The following ATXN7L1 variants were observed in gnomAD, a reference collection of about 807,000 sequenced individuals.
ATXN7L1 encodes ataxin-7-like protein 1.
ATXN7L1 carries 15 observed loss-of-function variants against 70.8 expected under a neutral mutation model. The observed-to-expected ratio is 0.21, with a 90% CI of 0.14 to 0.33. The LOEUF (loss-of-function observed/expected upper bound fraction) is 0.33, where lower values mean the gene tolerates loss of function less well. Among genes scored for constraint, ATXN7L1 ranks in the 10% least tolerant of loss-of-function variants. The probability of loss-of-function intolerance (pLI) is 1.00; values close to 1 mark genes in which losing one functional copy is unlikely to be tolerated. For missense variants in ATXN7L1, 975 were observed against 1,097.1 expected (o/e 0.89, Z 1.57); for synonymous variants, 440 against 445.1 (o/e 0.99, Z 0.14).
chr7:105,839,231 G>GAA (rs76808872), intron 2 of ATXN7L1, among the ~76,000 whole-genome samples: 4 of 141,042 alleles, frequency 2.8e-5, no homozygotes, highest in African/African-American at 1.0e-4. Flanking sequence ...GCTGCTGCAT[G>GAA]AAAAAAAAAA....
chr7:105,840,921 G>A (rs954034125), intron 2 of ATXN7L1, among the ~76,000 whole-genome samples: 19 of 152,152 alleles, frequency 1.2e-4, no homozygotes, highest in Non-Finnish European at 1.8e-4. Flanking sequence ...AACCCTTATA[G>A]GGACATTTTC....
At chr7:105,664,417 A>G (rs1802196809) in intron 4 of ATXN7L1, among the ~76,000 whole-genome samples, 1 of 150,508 alleles carries the variant, frequency 6.6e-6, no homozygotes, top group Admixed American at 6.7e-5. Flanking sequence ...TACGGTATAT[A>G]CATGTATATA....
At chr7:105,828,002 G>GA (rs898868757) in intron 2 of ATXN7L1, among the ~76,000 whole-genome samples, 10 of 151,218 alleles carry the variant, frequency 6.6e-5, no homozygotes, top group African/African-American at 1.9e-4. Context: ...AAATTTAGGG[G>GA]AAAAAAAACA....
chr7:105,649,349 A>T lies in ATXN7L1; in HGVS notation c.579-6228T>A. On this transcript the variant is annotated intron_variant, in intron 4 of 11. Coordinates refer to ENST00000419735, the MANE Select transcript of ATXN7L1 (RefSeq NM_020725.2). Reference sequence around the variant, plus strand: ...ACCTCTGTCTCGGTCCTGGGAAAGAAACCCAATGCCGAGAACACCCTCCCT... The same window carrying T: ...ACCTCTGTCTCGGTCCTGGGAAAGATACCCAATGCCGAGAACACCCTCCCT... 4.1e-6 allele frequency: 4 copies of T among 986,126 alleles called. No individual in the cohort carries two copies. The Middle Eastern group carries it at 1.2e-3, about 298-fold the overall frequency. 61.1% of individuals were successfully genotyped at this position (986,126 alleles called of 1,614,324 possible).
intron 3 of ATXN7L1, chr7:105,760,912 C>G (rs1288096384): frequency 6.2e-6 from 1 of 161,752 alleles, no homozygotes; most frequent in Non-Finnish European, 1.3e-5. Flanking sequence ...TGAAAGGGAG[C>G]CTGGCACAGG....
chr7:105,771,922 A>C (rs773664614), intron 3 of ATXN7L1, among the ~76,000 whole-genome samples: 17 of 152,178 alleles, frequency 1.1e-4, no homozygotes, highest in Admixed American at 6.5e-5. Flanking sequence ...GGAAGGCAGA[A>C]AAGGAGAACA....
intron 3 of ATXN7L1, among the ~76,000 whole-genome samples, chr7:105,724,516 G>A (rs535275037): frequency 1.1e-4 from 16 of 139,352 alleles, no homozygotes; most frequent in African/African-American, 4.3e-4. Flanking sequence ...AGAGGCTGCA[G>A]TAAGCTGAGA....
At chr7:105,737,941 T>C (rs564018009) in intron 3 of ATXN7L1, among the ~76,000 whole-genome samples, 62 of 152,280 alleles carry the variant, frequency 4.1e-4, no homozygotes, top group Non-Finnish European at 7.8e-4. Flanking sequence ...TGTAATCCTT[T>C]TGGTGACCTG....
In ATXN7L1 at chr7:105,738,002, CACA is replaced by C. The variant is rs147004304; in HGVS notation, c.355+50599_355+50601del. ...ATGTTCACTCAGACAATGAGAGGCC[CACA>C]CCAGCAACATGGAGCAGACACGAAT... is the stretch of plus-strand genomic sequence containing the variant. On this transcript the variant is annotated intron_variant, in intron 3 of 11. Transcript: ENST00000419735. 3.2e-3 allele frequency among the ~76,000 whole-genome samples: 494 copies of C among 152,240 alleles called. 2 individuals are homozygous for C. The highest frequency in any genetic ancestry group is 0.012 in the African/African-American group (482 of 41,522).
chr7:105,773,686 G>A (rs1414312972), intron 3 of ATXN7L1, among the ~76,000 whole-genome samples: 1 of 152,014 alleles, frequency 6.6e-6, no homozygotes. Context: ...AAACCAGATG[G>A]ATAGTTCCTC....
At chr7:105,693,635 A>G (rs1791334117) in intron 3 of ATXN7L1, among the ~76,000 whole-genome samples, 1 of 152,158 alleles carries the variant, frequency 6.6e-6, no homozygotes, top group Non-Finnish European at 1.5e-5. Flanking sequence ...GTTTTGGGGA[A>G]AGTAATGAGT....
chr7:105,799,595 T>C (rs1806512887), intron 2 of ATXN7L1, among the ~76,000 whole-genome samples: 1 of 152,160 alleles, frequency 6.6e-6, no homozygotes, highest in African/African-American at 2.4e-5. Flanking sequence ...GGCAAAGCAA[T>C]TGCGACATTT....
intron 3 of ATXN7L1, among the ~76,000 whole-genome samples, chr7:105,673,488 G>A (rs1166138025): frequency 6.6e-6 from 1 of 152,256 alleles, no homozygotes; most frequent in Non-Finnish European, 1.5e-5. Context: ...TCACTTGACA[G>A]CATGGAGTCT....
At position 105,676,966 on chromosome 7, in the gene ATXN7L1, G is replaced by A. The variant is rs145120748; in HGVS notation, c.356-11678C>T. 7.2e-5 allele frequency among the ~76,000 whole-genome samples: 11 copies of A among 152,274 alleles called. No individual in the cohort carries two copies. In the East Asian group the frequency reaches 2.1e-3, roughly 29 times the overall value. ...AACAGCTGGACCGAATCTTCCCAACGCTGTCTTGAGGCAGCATCAGTGACC... is the reference window on the plus strand; with the variant it reads ...AACAGCTGGACCGAATCTTCCCAACACTGTCTTGAGGCAGCATCAGTGACC... On this transcript the variant is annotated intron_variant, in intron 3 of 11. Transcript: ENST00000419735.
chr7:105,658,216 C>CA (rs11317370), intron 4 of ATXN7L1, among the ~76,000 whole-genome samples: 74,602 of 142,084 alleles, frequency 0.53, 20,026 homozygotes, highest in Middle Eastern at 0.61. Flanking sequence ...TACCCCATCT[C>CA]AAAAAAAAAA....
intron 7 of ATXN7L1, among the ~76,000 whole-genome samples, chr7:105,632,331 G>A (rs1796712032): frequency 6.6e-6 from 1 of 152,144 alleles, no homozygotes; most frequent in Non-Finnish European, 1.5e-5. Context: ...ACCAGATAAA[G>A]AGAACCAGAT....
At chr7:105,720,116 C>T (rs1795015607) in intron 3 of ATXN7L1, among the ~76,000 whole-genome samples, 1 of 152,180 alleles carries the variant, frequency 6.6e-6, no homozygotes, top group African/African-American at 2.4e-5. Flanking sequence ...GTCCGAATAC[C>T]ATGTAGGAAG....
chr7:105,761,070 A>G (rs1800469097), intron 3 of ATXN7L1: 1 of 751,402 alleles, frequency 1.3e-6, no homozygotes, highest in East Asian at 7.4e-5. Flanking sequence ...ATTGTAGAGG[A>G]GCAAGAGTGG....
intron 2 of ATXN7L1, among the ~76,000 whole-genome samples, chr7:105,817,468 A>C (rs751633190): frequency 1.1e-4 from 17 of 152,250 alleles, no homozygotes; most frequent in Non-Finnish European, 2.1e-4. Context: ...CATACACTGA[A>C]GTAATTGGTA....
Sources: allele counts gnomAD v4.1 joint callset (sites outside exome capture counted in the v4.1 genomes callset), GRCh38; gene constraint gnomAD v4.1.1; transcripts MANE v1.5; gene names NCBI Gene and HGNC (gene_info 2026-07-23, HGNC 2026-07-21).